HECW1: variants seen among roughly 807,000 people sequenced by gnomAD.
HECW1 encodes the protein E3 ubiquitin-protein ligase HECW1.
HECW1 carries 61 observed loss-of-function variants against 182.3 expected under a neutral mutation model. That is an observed-to-expected ratio of 0.33 (90% CI 0.27 to 0.41). The LOEUF is 0.41. Among genes scored for constraint, HECW1 ranks in the 10% least tolerant of loss-of-function variants. HECW1 has a pLI of 1.00. For synonymous variants in HECW1, 859 were observed against 832.6 expected (o/e 1.03, Z -0.55); for missense variants, 1,739 against 2,108.9 (o/e 0.82, Z 3.44).
intron 23 of HECW1, 46 bp downstream of exon 23, chr7:43,508,177 C>T (rs749373868): frequency 1.5e-6 from 2 of 1,324,396 alleles, no homozygotes; most frequent in African/African-American, 2.9e-5. Flanking sequence ...AAGGGTGGGC[C>T]AGAGCCTCAG....
intron 2 of HECW1, chr7:43,162,975 TG>T (rs1436176023): frequency 6.6e-6 from 1 of 152,216 alleles, no homozygotes; most frequent in Non-Finnish European, 1.5e-5. Context: ...TAAGGTCACA[TG>T]AGCAGTGAGC....
chr7:43,280,377 C>A (rs1172035047), intron 3 of HECW1, among the ~76,000 whole-genome samples: 1 of 152,116 alleles, frequency 6.6e-6, no homozygotes, highest in Non-Finnish European at 1.5e-5. Context: ...TCCAAATTTA[C>A]TCTAGGAAAT....
chr7:43,234,334 G>C (rs1489682794), intron 2 of HECW1, among the ~76,000 whole-genome samples: 1 of 152,158 alleles, frequency 6.6e-6, no homozygotes, highest in Non-Finnish European at 1.5e-5. Context: ...CCCACTCAGG[G>C]CTCACCAGTG....
chr7:43,339,476 A>G (rs1812691865), intron 5 of HECW1, among the ~76,000 whole-genome samples: 1 of 152,098 alleles, frequency 6.6e-6, no homozygotes, highest in African/African-American at 2.4e-5. Context: ...ATTGGTTTTA[A>G]TTTTCTGGCA....
chr7:43,369,570 G>A (rs555413222), intron 6 of HECW1, among the ~76,000 whole-genome samples: 2 of 152,286 alleles, frequency 1.3e-5, no homozygotes, highest in East Asian at 3.9e-4. Context: ...CACTATGAAA[G>A]CTGGAATTAT....
chr7:43,404,097 A>G (rs2075522825), intron 7 of HECW1, among the ~76,000 whole-genome samples: 1 of 152,212 alleles, frequency 6.6e-6, no homozygotes, highest in African/African-American at 2.4e-5. Flanking sequence ...GTTTACTCAA[A>G]GTTACAAATT....
intron 3 of HECW1, among the ~76,000 whole-genome samples, chr7:43,288,671 C>T (rs776721379): frequency 6.6e-6 from 1 of 152,288 alleles, no homozygotes; most frequent in East Asian, 1.9e-4. Context: ...GATGTGATAG[C>T]TGATAAAGCC....
At position 43,540,895 on chromosome 7, in the gene HECW1, T is replaced by A. The variant is rs201266010; in HGVS notation, c.4020-268T>A. Among the ~76,000 whole-genome samples, 10 of 152,184 alleles carry A rather than the reference T, an allele frequency of 6.6e-5. No homozygotes were observed. The East Asian group carries it at 1.5e-3, about 23-fold the overall frequency. On this transcript the variant is annotated intron_variant, in intron 24 of 29. Coordinates refer to ENST00000395891, the MANE Select transcript of HECW1 (RefSeq NM_015052.5). ...CTTTTCTCTTCTTGGGTCCTCATTCTCCACGGTCTGAAAAAGGTTCTGGAA... is the reference window on the plus strand; with the variant it reads ...CTTTTCTCTTCTTGGGTCCTCATTCACCACGGTCTGAAAAAGGTTCTGGAA...
chr7:43,306,455 A>C (rs968639719), intron 3 of HECW1, among the ~76,000 whole-genome samples: 1 of 151,988 alleles, frequency 6.6e-6, no homozygotes, highest in Non-Finnish European at 1.5e-5. Context: ...AGCTGCAGGC[A>C]TCTTCTTGAT....
chr7:43,519,390 C>T (rs866002884), intron 24 of HECW1, among the ~76,000 whole-genome samples: 4 of 152,068 alleles, frequency 2.6e-5, no homozygotes, highest in African/African-American at 9.7e-5. Flanking sequence ...GGACTACAGG[C>T]GCCCACTATC....
At chr7:43,184,429 A>C (rs1208949313) in intron 2 of HECW1, among the ~76,000 whole-genome samples, 1 of 152,182 alleles carries the variant, frequency 6.6e-6, no homozygotes, top group East Asian at 1.9e-4. Flanking sequence ...ATACTATGAA[A>C]TATGTATTTG....
intron 2 of HECW1, among the ~76,000 whole-genome samples, chr7:43,219,217 C>T (rs866393139): frequency 2.6e-5 from 4 of 152,082 alleles, no homozygotes; most frequent in Admixed American, 1.3e-4. Context: ...CAGTGGGAAT[C>T]GCCATGTTGG....
intron 3 of HECW1, among the ~76,000 whole-genome samples, chr7:43,305,245 C>A (rs1185169381): frequency 6.6e-6 from 1 of 152,154 alleles, no homozygotes; most frequent in Non-Finnish European, 1.5e-5. Context: ...CACCACATTT[C>A]ATTGTGTTTC....
intron 28 of HECW1, among the ~76,000 whole-genome samples, chr7:43,553,765 T>C (rs566440857): frequency 6.6e-6 from 1 of 151,362 alleles, no homozygotes; most frequent in East Asian, 2.0e-4. Flanking sequence ...ACACCTCTAC[T>C]CTAGTGGCTT....
intron 5 of HECW1, among the ~76,000 whole-genome samples, chr7:43,327,961 ATATTAT>A (rs4049927): frequency 9.3e-4 from 136 of 146,196 alleles, no homozygotes; most frequent in Admixed American, 1.9e-3. Flanking sequence ...TGAACCATTT[ATATTAT>A]TATTATTATT....
intron 5 of HECW1, among the ~76,000 whole-genome samples, chr7:43,340,238 T>TCTGATGTCTGATTGCTTTGTTCCTTTTGG (rs1812794324): frequency 6.3e-5 from 7 of 110,306 alleles, no homozygotes; most frequent in African/African-American, 2.4e-4. Flanking sequence ...TTTTTTTTTC[T>TCTGATGTCTGATTGCTTTGTTCCTTTTGG]AAGACGGAGT....
chr7:43,133,990 A>G (rs1339809885), intron 2 of HECW1, among the ~76,000 whole-genome samples: 1 of 152,198 alleles, frequency 6.6e-6, no homozygotes, highest in African/African-American at 2.4e-5. Flanking sequence ...GTAGGCTAGG[A>G]TATATAGCTG....
chr7:43,201,821 C>A (rs1438643911), intron 2 of HECW1, among the ~76,000 whole-genome samples: 1 of 152,142 alleles, frequency 6.6e-6, no homozygotes, highest in Non-Finnish European at 1.5e-5. Flanking sequence ...TTGAAGATTT[C>A]ATTAACATTA....
intron 5 of HECW1, among the ~76,000 whole-genome samples, chr7:43,345,812 ACAC>A (rs2152803171): frequency 6.6e-6 from 1 of 151,622 alleles, no homozygotes; most frequent in African/African-American, 2.4e-5. Flanking sequence ...ACACACACAC[ACAC>A]ACACACACAC....
Sources: allele counts gnomAD v4.1 joint callset (sites outside exome capture counted in the v4.1 genomes callset), GRCh38; gene constraint gnomAD v4.1.1; transcripts MANE v1.5; gene names NCBI Gene and HGNC (gene_info 2026-07-23, HGNC 2026-07-21).